SARDH: variants seen among roughly 807,000 people sequenced by gnomAD.
The protein encoded by SARDH is sarcosine dehydrogenase, mitochondrial.
SARDH carries 95 observed loss-of-function variants against 109.1 expected under a neutral mutation model. The ratio of observed to expected loss-of-function variants is 0.87; its 90% CI spans 0.74 to 1.03. The LOEUF (loss-of-function observed/expected upper bound fraction) is 1.03. Ranked by LOEUF, SARDH falls within the 50% of genes least tolerant of loss-of-function variation. The pLI, the probability that SARDH is intolerant of heterozygous loss-of-function variation, is 0.00. For missense variants in SARDH, 1,267 were observed against 1,287.8 expected (o/e 0.98, Z 0.25); for synonymous variants, 572 against 534.8 (o/e 1.07, Z -0.96).
intron 15 of SARDH, 110 bp downstream of exon 15, chr9:133,694,148 T>C: frequency 1.3e-6 from 1 of 775,694 alleles, no homozygotes; most frequent in Non-Finnish European, 2.0e-6. Context: ...CAACAGCTAA[T>C]GACAGAGCTG....
chr9:133,708,818 C>A (rs1831803742), intron 10 of SARDH, among the ~76,000 whole-genome samples: 1 of 152,082 alleles, frequency 6.6e-6, no homozygotes, highest in Admixed American at 6.5e-5. Context: ...GGGCTCAGAT[C>A]CCCAGAATGC....
At position 133,724,923 on chromosome 9, in the gene SARDH, TC is replaced by T. The variant is rs1159648339; in HGVS notation, c.915+4841del. On this transcript the variant is annotated intron_variant, in intron 6 of 20. Coordinates refer to ENST00000439388, the MANE Select transcript of SARDH (RefSeq NM_001134707.2). ...AACTCAAGAGAAATAACAACATAGG[TC>T]CCCACAAAAACATGCATATGGATGT... 3.9e-5 allele frequency among the ~76,000 whole-genome samples: 6 copies of T among 152,102 alleles called. No individual in the cohort carries two copies. The East Asian group carries it at 1.2e-3, about 29-fold the overall frequency.
At chr9:133,729,491 C>T (rs1275481067) in intron 6 of SARDH, among the ~76,000 whole-genome samples, 2 of 152,200 alleles carry the variant, frequency 1.3e-5, no homozygotes, top group African/African-American at 4.8e-5. Flanking sequence ...CCACGCAGGA[C>T]AGGCTGGACT....
chr9:133,729,947 G>A, intron 5 of SARDH, 82 bp from the exon 6 acceptor site: 1 of 1,590,102 alleles, frequency 6.3e-7, no homozygotes, highest in Non-Finnish European at 8.6e-7. Context: ...TGCCTCTGCA[G>A]ACCTGTCTGC....
chr9:133,677,957 C>T (rs907686399), intron 17 of SARDH, among the ~76,000 whole-genome samples: 3 of 152,224 alleles, frequency 2.0e-5, no homozygotes, highest in African/African-American at 4.8e-5. Context: ...TAGGCAAGCG[C>T]CACTACTATG....
chr9:133,671,290 G>T (rs1486030005), intron 18 of SARDH, among the ~76,000 whole-genome samples: 2 of 152,124 alleles, frequency 1.3e-5, no homozygotes, highest in Admixed American at 1.3e-4. Flanking sequence ...TCAGGTGTGT[G>T]TAGGTGTCGC....
intron 11 of SARDH, among the ~76,000 whole-genome samples, chr9:133,707,161 C>T (rs183408410): frequency 1.4e-4 from 21 of 152,314 alleles, no homozygotes; most frequent in African/African-American, 4.3e-4. Flanking sequence ...GAAGGGAAGT[C>T]GAGGCGTGGG....
At chr9:133,719,091 A>AACCAAGTCCCCACC in intron 6 of SARDH, 49 bp from the exon 7 acceptor site, 2 of 1,535,480 alleles carry the variant, frequency 1.3e-6, no homozygotes, top group Non-Finnish European at 1.8e-6. Flanking sequence ...CTGGGTGGGG[A>AACCAAGTCCCCACC]CTTGGTTCCC....
At chr9:133,729,951 T>C in intron 5 of SARDH, 86 bp from the exon 6 acceptor site, 1 of 1,590,180 alleles carries the variant, frequency 6.3e-7, no homozygotes, top group South Asian at 1.1e-5. Context: ...TCTGCAGACC[T>C]GTCTGCCCTA....
chr9:133,716,125 G>A (rs915064103), intron 8 of SARDH, among the ~76,000 whole-genome samples: 12 of 152,168 alleles, frequency 7.9e-5, no homozygotes, highest in Non-Finnish European at 1.2e-4. Context: ...CTCCAGGGCC[G>A]GGCTAGGCTG....
chr9:133,690,077 A>G (rs918358496), intron 16 of SARDH, among the ~76,000 whole-genome samples: 1 of 152,128 alleles, frequency 6.6e-6, no homozygotes, highest in African/African-American at 2.4e-5. Flanking sequence ...GGTTCTGCCC[A>G]CTTTGGGATG....
Position 133,730,083 on chromosome 9 carries a change from G to A in SARDH, c.795C>T (p.Pro265=), listed in dbSNP as rs755414771. 2.5e-6 allele frequency: 4 copies of A among 1,614,202 alleles called. No individual in the cohort carries two copies. In the South Asian group the frequency reaches 4.4e-5, roughly 18 times the overall value. Residue 265 remains proline, a synonymous_variant, in exon 5 of 21, where the codon CCC becomes CCT. Transcript: ENST00000439388. Reference sequence around the variant, plus strand: ...TCGCACCTGCACAGTTGACCACGCAGGGTGTCTGGATGGAACCATGCTGAG... The same window carrying A: ...TCGCACCTGCACAGTTGACCACGCAAGGTGTCTGGATGGAACCATGCTGAG... ...VETQHGSIQT[P]CVVNCAGVWA...
Position 133,734,854 on chromosome 9 carries a change from G to A in SARDH, c.-30-651C>T, listed in dbSNP as rs1196705706. The stretch of plus-strand genomic sequence containing the variant: ...TCCCGCCAGCCTTGAGAGCCCTTTC[G>A]GAGCTCAAGATGCTCCTGAGGGGCC... On this transcript the variant is annotated intron_variant, in intron 1 of 20. Coordinates refer to ENST00000439388, the MANE Select transcript of SARDH (RefSeq NM_001134707.2). Among the ~76,000 whole-genome samples the A allele has an allele frequency of 2.6e-5, 4 of 152,286 alleles. No individual in the cohort carries two copies. In the South Asian group the frequency reaches 6.2e-4, roughly 24 times the overall value.
chr9:133,670,612 G>A lies in SARDH; in HGVS notation c.2467C>T (p.Arg823Trp), dbSNP rs368340490. The change falls in exon 19 of 21, where the codon CGG (arginine) becomes TGG (tryptophan). Residue 823 changes from arginine (R) to tryptophan (W), a missense_variant. Arg to Trp is a moderately radical substitution (Grantham distance 101). Coordinates refer to ENST00000439388, the MANE Select transcript of SARDH (RefSeq NM_001134707.2). ...LEQQRAAGLR[R>W]RLVCFTMEDK... ...TCCATGGTGAAGCACACCAGGCGCC[G>A]GCGGAGGCCTGCGGCCCGCTGCTGC... The A allele has an allele frequency of 4.6e-5, 72 of 1,578,254 alleles. No individual in the cohort carries two copies. Among genetic ancestry groups the A allele is most frequent in the Admixed American group, 5.5e-5 (3 of 54,908 alleles).
At chr9:133,703,427 AC>A (rs1398626199) in intron 12 of SARDH, 1 of 238,800 alleles carries the variant, frequency 4.2e-6, no homozygotes, top group Non-Finnish European at 8.4e-6. Flanking sequence ...TTACACTCCT[AC>A]CAGGTGTGCC....
intron 19 of SARDH, among the ~76,000 whole-genome samples, chr9:133,669,609 C>T (rs1251554712): frequency 1.3e-5 from 2 of 152,074 alleles, no homozygotes; most frequent in Non-Finnish European, 2.9e-5. Context: ...GTGCGCCGGG[C>T]TCCAGCAGCA....
At chr9:133,690,619 A>T in intron 15 of SARDH, 92 bp from the exon 16 acceptor site, 1 of 1,435,444 alleles carries the variant, frequency 7.0e-7, no homozygotes, top group Middle Eastern at 1.8e-4. Flanking sequence ...GGCTGAGAAA[A>T]CAAATGCCCT....
chr9:133,675,075 GGC>G (rs1450357211), intron 17 of SARDH, among the ~76,000 whole-genome samples: 4 of 152,194 alleles, frequency 2.6e-5, no homozygotes, highest in African/African-American at 9.7e-5. Flanking sequence ...CGGGTGTGGT[GGC>G]TCATGCCTGT....
intron 20 of SARDH, 46 bp from the exon 21 acceptor site, chr9:133,664,060 C>T (rs766030317): frequency 6.2e-7 from 1 of 1,602,468 alleles, no homozygotes; most frequent in Non-Finnish European, 8.5e-7. Context: ...TTGGTAGGTA[C>T]AGGGCTCACG....
Sources: allele counts gnomAD v4.1 joint callset (sites outside exome capture counted in the v4.1 genomes callset), GRCh38; gene constraint gnomAD v4.1.1; transcripts MANE v1.5; gene names NCBI Gene and HGNC (gene_info 2026-07-23, HGNC 2026-07-21).